Variants in TMEM178B observed in about 807,000 individuals in gnomAD.
TMEM178B encodes transmembrane protein 178B.
Under a neutral mutation model 31.0 loss-of-function variants are expected in TMEM178B, and 5 were observed. That is an observed-to-expected ratio of 0.16 (90% CI 0.08 to 0.34). TMEM178B has a LOEUF of 0.34. Ranked by LOEUF, TMEM178B falls within the 10% of genes least tolerant of loss-of-function variation. The pLI, the probability that TMEM178B is intolerant of heterozygous loss-of-function variation, is 1.00. For missense variants in TMEM178B, 275 were observed against 400.3 expected, an observed-to-expected ratio of 0.69 and a Z score of 2.67; for synonymous variants, 164 against 164.0, an observed-to-expected ratio of 1.00 and a Z score of 0.00.
the TMEM178B span, among the ~76,000 whole-genome samples, chr7:141,506,681 T>C: frequency 0.1 from 15,683 of 152,150 alleles, 2,483 homozygotes; most frequent in African/African-American, 0.34. Flanking sequence ...CCAAATCTTA[T>C]GTCCTCACAT....
chr7:141,437,479 G>A (rs1162091664), intron 2 of TMEM178B, 129 bp from the exon 3 acceptor site: 4 of 1,244,488 alleles, frequency 3.2e-6, no homozygotes, highest in Non-Finnish European at 3.3e-6. Flanking sequence ...GCTCCTATCT[G>A]AGAAGGGCAG....
chr7:141,510,131 C>A, the TMEM178B span, among the ~76,000 whole-genome samples: 2 of 152,314 alleles, frequency 1.3e-5, no homozygotes, highest in Middle Eastern at 3.4e-3. Context: ...AGGATGCTAG[C>A]TTCCGGGAGC....
intron 2 of TMEM178B, among the ~76,000 whole-genome samples, chr7:141,410,757 G>C (rs1157544479): frequency 6.6e-6 from 1 of 152,116 alleles, no homozygotes; most frequent in Non-Finnish European, 1.5e-5. Flanking sequence ...AGGTTGAGAG[G>C]ACTGTGTATA....
intron 2 of TMEM178B, among the ~76,000 whole-genome samples, chr7:141,276,967 T>C (rs1798277025): frequency 6.6e-6 from 1 of 152,206 alleles, no homozygotes; most frequent in Admixed American, 6.5e-5. Flanking sequence ...TATACCTGTA[T>C]AGGGCACTTA....
intron 2 of TMEM178B, among the ~76,000 whole-genome samples, chr7:141,315,899 C>G (rs1196202777): frequency 6.6e-6 from 1 of 152,142 alleles, no homozygotes; most frequent in Non-Finnish European, 1.5e-5. Context: ...TCCCAACTTC[C>G]CATCAGTATG....
chr7:141,290,543 A>G lies in TMEM178B; in HGVS notation c.496+77839A>G, dbSNP rs1798528020. Among the ~76,000 whole-genome samples the G allele has an allele frequency of 2.0e-5, 3 of 152,028 alleles. No homozygotes were observed. The South Asian group carries it at 6.2e-4, about 32-fold the overall frequency. ...TTCACACACATACACATGTGCACAC[A>G]CACATACACGTGCATGCACACACGC... On this transcript the variant is annotated intron_variant, in intron 2 of 3. Transcript: ENST00000565468.
intron 1 of TMEM178B, among the ~76,000 whole-genome samples, chr7:141,101,907 ACG>A (rs1491274913): frequency 8.0e-6 from 1 of 124,414 alleles, no homozygotes; most frequent in African/African-American, 3.2e-5. Context: ...GTGTGTGTTA[ACG>A]TGTGTGTGTG....
intron 2 of TMEM178B, among the ~76,000 whole-genome samples, chr7:141,420,942 A>C (rs1392521594): frequency 6.6e-6 from 1 of 152,188 alleles, no homozygotes; most frequent in Admixed American, 6.5e-5. Context: ...ACTTCCAGGT[A>C]GCAAGGAATG....
intron 2 of TMEM178B, among the ~76,000 whole-genome samples, chr7:141,280,641 G>A (rs1483701717): frequency 3.9e-5 from 6 of 152,120 alleles, no homozygotes; most frequent in Admixed American, 6.6e-5. Flanking sequence ...CAGTGAAAAC[G>A]GACTAATACA....
At chr7:141,129,095 G>A (rs118127201) in intron 1 of TMEM178B, among the ~76,000 whole-genome samples, 3,163 of 152,294 alleles carry the variant, frequency 0.021, 41 homozygotes, top group Non-Finnish European at 0.034. Context: ...AGGATAGTGG[G>A]TTACATGGCT....
the TMEM178B span, among the ~76,000 whole-genome samples, chr7:141,510,867 G>A: frequency 6.6e-6 from 1 of 152,064 alleles, no homozygotes; most frequent in Non-Finnish European, 1.5e-5. Context: ...AGGAAACCCA[G>A]CCCAAAGAGC....
intron 1 of TMEM178B, among the ~76,000 whole-genome samples, chr7:141,121,363 A>C (rs1228841785): frequency 6.6e-6 from 1 of 152,148 alleles, no homozygotes; most frequent in Non-Finnish European, 1.5e-5. Flanking sequence ...AAACACCCAC[A>C]CATGTCAGAT....
At chr7:141,084,789 C>T (rs571321652) in intron 1 of TMEM178B, among the ~76,000 whole-genome samples, 2 of 152,204 alleles carry the variant, frequency 1.3e-5, no homozygotes, top group Admixed American at 1.3e-4. Flanking sequence ...TATCAGAGAT[C>T]GTATATTCAT....
chr7:141,247,633 G>A (rs1797759077), intron 2 of TMEM178B, among the ~76,000 whole-genome samples: 1 of 152,126 alleles, frequency 6.6e-6, no homozygotes, highest in African/African-American at 2.4e-5. Flanking sequence ...TGTATTTCTA[G>A]TGGAGGATGC....
At chr7:141,339,392 G>A (rs1285798725) in intron 2 of TMEM178B, among the ~76,000 whole-genome samples, 1 of 152,202 alleles carries the variant, frequency 6.6e-6, no homozygotes, top group Non-Finnish European at 1.5e-5. Context: ...TCAGCAGTTG[G>A]GAGGTGGAGC....
intron 2 of TMEM178B, among the ~76,000 whole-genome samples, chr7:141,213,844 G>A (rs1797086698): frequency 6.6e-6 from 1 of 152,178 alleles, no homozygotes; most frequent in African/African-American, 2.4e-5. Context: ...GTGTCCAGAT[G>A]ATTGTCACTA....
At chr7:141,238,314 G>A (rs1199216185) in intron 2 of TMEM178B, among the ~76,000 whole-genome samples, 1 of 152,130 alleles carries the variant, frequency 6.6e-6, no homozygotes. Flanking sequence ...GCTCAGTGGT[G>A]GTCAGTGTTA....
chr7:141,352,611 A>T (rs1003090703), intron 2 of TMEM178B: 1 of 152,006 alleles, frequency 6.6e-6, no homozygotes, highest in African/African-American at 2.4e-5. Context: ...CAAACTCCTG[A>T]CCTCATGATC....
chr7:141,440,912 G>A (rs746862918), intron 3 of TMEM178B, among the ~76,000 whole-genome samples: 7 of 152,228 alleles, frequency 4.6e-5, no homozygotes, highest in Non-Finnish European at 1.0e-4. Context: ...AAAAACGGAT[G>A]TCCACATACC....
Sources: allele counts gnomAD v4.1 joint callset (sites outside exome capture counted in the v4.1 genomes callset), GRCh38; gene constraint gnomAD v4.1.1; transcripts MANE v1.5; gene names NCBI Gene and HGNC (gene_info 2026-07-23, HGNC 2026-07-21).